Variants in METTL15 observed in about 807,000 individuals in gnomAD.
METTL15 encodes the protein methyltransferase 15, mitochondrial 12S rRNA N4-cytidine.
METTL15 carries 34 observed loss-of-function variants against 38.3 expected under a neutral mutation model. That is an observed-to-expected ratio of 0.89 (90% CI 0.68 to 1.18). The LOEUF is 1.18. Among genes scored for constraint, METTL15 ranks in the 50% most tolerant of loss-of-function variants. The pLI is 0.00. For missense variants in METTL15, 438 were observed against 498.4 expected (o/e 0.88, Z 1.15); for synonymous variants, 162 against 170.9 (o/e 0.95, Z 0.41).
chr11:28,164,481 C>A (rs1466367014), intron 3 of METTL15, among the ~76,000 whole-genome samples: 1 of 151,934 alleles, frequency 6.6e-6, no homozygotes, highest in Admixed American at 6.6e-5. Flanking sequence ...TTTAGCCATA[C>A]ATGATTTTCT....
intron 6 of METTL15, among the ~76,000 whole-genome samples, chr11:28,451,915 C>G (rs1254047222): frequency 6.6e-6 from 1 of 152,188 alleles, no homozygotes; most frequent in African/African-American, 2.4e-5. Flanking sequence ...TTTGTTCTTC[C>G]AAACTCCCAT....
intron 3 of METTL15, among the ~76,000 whole-genome samples, chr11:28,147,165 A>G (rs567319212): frequency 7.9e-5 from 12 of 151,994 alleles, no homozygotes; most frequent in Non-Finnish European, 1.6e-4. Flanking sequence ...TTATTTTTCT[A>G]AATCCTTCCA....
chr11:28,482,757 A>G (rs1482359185), intron 6 of METTL15, among the ~76,000 whole-genome samples: 1 of 152,124 alleles, frequency 6.6e-6, no homozygotes, highest in African/African-American at 2.4e-5. Flanking sequence ...TCTTGGGCCT[A>G]CCTACGGAGT....
intron 6 of METTL15, among the ~76,000 whole-genome samples, chr11:28,467,193 T>C (rs926845203): frequency 2.0e-5 from 3 of 152,200 alleles, no homozygotes; most frequent in East Asian, 3.9e-4. Flanking sequence ...ATTAACCGTC[T>C]AGACTTCTCC....
intron 5 of METTL15, among the ~76,000 whole-genome samples, chr11:28,411,204 A>G (rs931247862): frequency 1.3e-5 from 2 of 152,062 alleles, no homozygotes; most frequent in Non-Finnish European, 2.9e-5. Flanking sequence ...CATAATCGCC[A>G]TCAAAATTCT....
intron 6 of METTL15, among the ~76,000 whole-genome samples, chr11:28,493,773 C>G (rs998937834): frequency 6.6e-6 from 1 of 152,178 alleles, no homozygotes; most frequent in African/African-American, 2.4e-5. Flanking sequence ...TTTAGATTTG[C>G]AATATCTTAG....
At chr11:28,426,535 A>G (rs1850865839) in intron 6 of METTL15, among the ~76,000 whole-genome samples, 1 of 150,398 alleles carries the variant, frequency 6.6e-6, no homozygotes, top group Non-Finnish European at 1.5e-5. Context: ...TTACATTCCC[A>G]CTAAAAGTGT....
chr11:28,529,331 T>G (rs1329922148), downstream of METTL15, among the ~76,000 whole-genome samples: 1 of 152,102 alleles, frequency 6.6e-6, no homozygotes, highest in African/African-American at 2.4e-5. Context: ...AGCTCTGTCA[T>G]CTGAAGCATG....
downstream of METTL15, among the ~76,000 whole-genome samples, chr11:28,531,697 T>C (rs1251551295): frequency 6.6e-6 from 1 of 152,090 alleles, no homozygotes; most frequent in East Asian, 1.9e-4. Context: ...ATGGTAGTAG[T>C]AATATTTCAC....
chr11:28,473,183 T>C (rs952584307), intron 6 of METTL15, among the ~76,000 whole-genome samples: 7 of 152,178 alleles, frequency 4.6e-5, no homozygotes, highest in African/African-American at 1.7e-4. Context: ...GTTTAAAGTA[T>C]GGATTACCTA....
intron 4 of METTL15, among the ~76,000 whole-genome samples, chr11:28,244,601 A>T (rs182912317): frequency 6.6e-6 from 1 of 152,296 alleles, no homozygotes; most frequent in Admixed American, 6.5e-5. Flanking sequence ...CCTACAGGTT[A>T]TTCTGACATA....
intron 6 of METTL15, among the ~76,000 whole-genome samples, chr11:28,457,077 C>G (rs2133452335): frequency 6.6e-6 from 1 of 152,204 alleles, no homozygotes; most frequent in Middle Eastern, 3.4e-3. Flanking sequence ...CAATAAATAC[C>G]TGGAACACTA....
At chr11:28,510,075 T>A (rs1851661988) in intron 6 of METTL15, among the ~76,000 whole-genome samples, 1 of 152,184 alleles carries the variant, frequency 6.6e-6, no homozygotes, top group South Asian at 2.1e-4. Flanking sequence ...ACTGAAGTGC[T>A]ATGCAGGCCA....
intron 4 of METTL15, chr11:28,287,423 G>T: frequency 2.4e-6 from 1 of 416,866 alleles, no homozygotes; most frequent in Non-Finnish European, 4.7e-6. Flanking sequence ...CACTTGTTTA[G>T]CCTGCCTGTG....
rs551699612 is a variant in METTL15 at position 28,357,522 on chromosome 11, G to A, written c.*259-4415G>A. Among the ~76,000 whole-genome samples, 7 of 152,280 alleles carry A rather than the reference G, an allele frequency of 4.6e-5. No homozygotes were observed. In the South Asian group the frequency reaches 1.4e-3, roughly 32 times the overall value. ...GTTTTCTCTCCTAGCTTACAGACTT[G>A]AACAAGCCATTTAAACTCTTTGTAC... On this transcript the variant is annotated intron_variant and NMD_transcript_variant, in intron 4 of 7. Coordinates refer to the METTL15 transcript ENST00000532947.
intron 5 of METTL15, among the ~76,000 whole-genome samples, chr11:28,385,554 A>G (rs1421705078): frequency 6.6e-6 from 1 of 152,036 alleles, no homozygotes; most frequent in Non-Finnish European, 1.5e-5. Context: ...GCCTTGTAGT[A>G]TAGTTTCAAG....
intron 5 of METTL15, among the ~76,000 whole-genome samples, chr11:28,402,141 G>A (rs897633539): frequency 6.6e-6 from 1 of 151,868 alleles, no homozygotes; most frequent in Admixed American, 6.6e-5. Flanking sequence ...GTTAGGGAAT[G>A]TCACCATTAT....
At chr11:28,461,792 A>G (rs2133455658) in intron 6 of METTL15, among the ~76,000 whole-genome samples, 1 of 152,268 alleles carries the variant, frequency 6.6e-6, no homozygotes, top group Non-Finnish European at 1.5e-5. Context: ...TGTATATATT[A>G]TGTAGTGATC....
chr11:28,468,413 A>G (rs1413433941), intron 6 of METTL15, among the ~76,000 whole-genome samples: 2 of 152,212 alleles, frequency 1.3e-5, no homozygotes, highest in Non-Finnish European at 2.9e-5. Flanking sequence ...AGAAGCTACA[A>G]GCATGCAAAT....
Sources: gnomAD v4.1 joint callset for allele counts (sites outside exome capture counted in the v4.1 genomes callset) on GRCh38, gnomAD v4.1.1 for gene constraint, MANE v1.5 for transcripts, NCBI Gene and HGNC (gene_info 2026-07-23, HGNC 2026-07-21) for gene names.